Variants in SDK2 observed in about 807,000 individuals in gnomAD.
The protein encoded by SDK2 is sidekick cell adhesion molecule 2.
SDK2 carries 105 observed loss-of-function variants against 253.9 expected under a neutral mutation model. The observed-to-expected ratio is 0.41, with a 90% CI of 0.35 to 0.49. SDK2 has a LOEUF of 0.49. Ranked by LOEUF, SDK2 falls within the 20% of genes least tolerant of loss-of-function variation. The pLI, the probability that SDK2 is intolerant of heterozygous loss-of-function variation, is 0.06. For synonymous variants in SDK2, 1,249 were observed against 1,234.9 expected, an observed-to-expected ratio of 1.01 and a Z score of -0.24; for missense variants, 2,608 against 3,003.0, an observed-to-expected ratio of 0.87 and a Z score of 3.07.
intron 1 of SDK2, among the ~76,000 whole-genome samples, chr17:73,562,826 G>T (rs975694663): frequency 6.6e-6 from 1 of 152,256 alleles, no homozygotes; most frequent in Admixed American, 6.5e-5. Flanking sequence ...TTACTAAGAC[G>T]TGCTAACTCA....
At chr17:73,502,082 CAT>C (rs138367737) in intron 2 of SDK2, among the ~76,000 whole-genome samples, 1,319 of 14,364 alleles carry the variant, frequency 0.092, 25 homozygotes, top group African/African-American at 0.27. Context: ...GTGTAGTGCA[CAT>C]ACACACACAC....
intron 12 of SDK2, among the ~76,000 whole-genome samples, chr17:73,428,517 C>T (rs2063301879): frequency 6.6e-6 from 1 of 152,182 alleles, no homozygotes; most frequent in Non-Finnish European, 1.5e-5. Context: ...GAGATCCTTT[C>T]TATTAGGTTG....
intron 2 of SDK2, among the ~76,000 whole-genome samples, chr17:73,497,928 G>C (rs1044427018): frequency 2.0e-5 from 3 of 152,120 alleles, no homozygotes; most frequent in Non-Finnish European, 2.9e-5. Context: ...CCAGACACAA[G>C]GTCCTTGGAT....
At chr17:73,404,144 G>A (rs1470810228) in intron 18 of SDK2, among the ~76,000 whole-genome samples, 1 of 152,210 alleles carries the variant, frequency 6.6e-6, no homozygotes, top group Non-Finnish European at 1.5e-5. Context: ...TAATGGCAGT[G>A]TGGTTTGTGG....
chr17:73,543,383 T>A (rs1203405224), intron 1 of SDK2, among the ~76,000 whole-genome samples: 1 of 152,116 alleles, frequency 6.6e-6, no homozygotes, highest in Non-Finnish European at 1.5e-5. Flanking sequence ...GCCGCTCATA[T>A]CCCCTGGGAA....
chr17:73,595,201 TGAG>T (rs72207708), intron 1 of SDK2, among the ~76,000 whole-genome samples: 34,233 of 149,684 alleles, frequency 0.23, 4,123 homozygotes, highest in African/African-American at 0.31. Flanking sequence ...TGGGTGAAGG[TGAG>T]GAGGAGGAGG....
intron 3 of SDK2, among the ~76,000 whole-genome samples, chr17:73,464,312 G>A (rs2063583317): frequency 1.3e-5 from 2 of 152,148 alleles, no homozygotes; most frequent in African/African-American, 2.4e-5. Flanking sequence ...GGGTTCTCAC[G>A]AGATCTGATG....
intron 3 of SDK2, among the ~76,000 whole-genome samples, chr17:73,461,820 G>A (rs1466110681): frequency 6.6e-6 from 1 of 152,186 alleles, no homozygotes; most frequent in Non-Finnish European, 1.5e-5. Context: ...TGTTTGGATG[G>A]TGGGATGGAT....
chr17:73,581,849 C>T (rs539799582), intron 1 of SDK2, among the ~76,000 whole-genome samples: 1 of 152,308 alleles, frequency 6.6e-6, no homozygotes, highest in South Asian at 2.1e-4. Context: ...GGCAGACAGC[C>T]ATTGGCAGAG....
At chr17:73,420,193 T>C (rs12232515) in intron 15 of SDK2, among the ~76,000 whole-genome samples, 106,469 of 152,236 alleles carry the variant, frequency 0.7, 38,196 homozygotes, top group Non-Finnish European at 0.77. Flanking sequence ...TGCTGGGGGA[T>C]GCTGTGTTCT....
Position 73,352,134 on chromosome 17 carries a change from T to C in SDK2, c.5758+339A>G, listed in dbSNP as rs1349167150. On this transcript the variant is annotated intron_variant, in intron 41 of 44. Transcript: ENST00000392650. The surrounding 1 kb of genome is among the most constrained non-coding windows in gnomAD (Gnocchi z 4.1). ...GCCACGTTGGGGCTGGAGGTTTCCA[T>C]GGAAAGATAGTTTATGGCCTGGTGC... is the stretch of plus-strand genomic sequence containing the variant. Among the ~76,000 whole-genome samples the C allele has an allele frequency of 1.3e-5, 2 of 152,054 alleles. No homozygotes were observed. Among genetic ancestry groups the C allele is most frequent in the African/African-American group, 4.8e-5 (2 of 41,382 alleles).
At chr17:73,382,838 C>G (rs888344620) in intron 33 of SDK2, among the ~76,000 whole-genome samples, 1 of 140,900 alleles carries the variant, frequency 7.1e-6, no homozygotes, top group African/African-American at 2.6e-5. Flanking sequence ...CCCGTCTCTA[C>G]TAACAACAAC....
At chr17:73,490,119 C>T (rs888385749) in intron 2 of SDK2, among the ~76,000 whole-genome samples, 2 of 152,100 alleles carry the variant, frequency 1.3e-5, no homozygotes, top group East Asian at 3.9e-4. Flanking sequence ...TTCTCAGAGC[C>T]GCCCTGCTCT....
At chr17:73,442,187 C>T (rs922307614) in intron 5 of SDK2, among the ~76,000 whole-genome samples, 5 of 152,224 alleles carry the variant, frequency 3.3e-5, no homozygotes, top group African/African-American at 7.2e-5. Context: ...TGTGAGGACA[C>T]GGCTGGAAGG....
intron 44 of SDK2, among the ~76,000 whole-genome samples, chr17:73,339,952 C>T (rs1263752454): frequency 6.6e-6 from 1 of 152,106 alleles, no homozygotes; most frequent in Non-Finnish European, 1.5e-5. Flanking sequence ...CTCACTGCAA[C>T]CTCCACCTAC....
chr17:73,479,847 T>C (rs973332655), intron 2 of SDK2, among the ~76,000 whole-genome samples: 149 of 152,284 alleles, frequency 9.8e-4, no homozygotes, highest in African/African-American at 3.4e-3. Context: ...CCTGCCCCCA[T>C]GCCCGGCTAA....
In SDK2 at chr17:73,589,633, G is replaced by A. The variant is rs528731818; in HGVS notation, c.64+54392C>T. The stretch of plus-strand genomic sequence containing the variant: ...GGGGAAGCTCAGACAGGCACTCTGC[G>A]TCACTCTGTCCTATGTCAGCATCAG... On this transcript the variant is annotated intron_variant, in intron 1 of 44. Transcript: ENST00000392650. Among the ~76,000 whole-genome samples the A allele has an allele frequency of 1.6e-4, 25 of 152,224 alleles. 1 individual carries two copies. Among genetic ancestry groups the A allele is most frequent in the South Asian group, 4.1e-4 (2 of 4,836 alleles).
intron 12 of SDK2, among the ~76,000 whole-genome samples, chr17:73,429,356 G>A (rs570357244): frequency 3.1e-4 from 47 of 152,288 alleles, no homozygotes; most frequent in African/African-American, 1.0e-3. Flanking sequence ...ATACATCTAT[G>A]TACATTTTTG....
intron 36 of SDK2, among the ~76,000 whole-genome samples, chr17:73,372,026 C>A (rs2062738185): frequency 6.6e-6 from 1 of 151,982 alleles, no homozygotes; most frequent in Non-Finnish European, 1.5e-5. Context: ...TGCTTTTCTG[C>A]CCTGCCCGTG....
Sources: gnomAD v4.1 joint callset for allele counts (sites outside exome capture counted in the v4.1 genomes callset) on GRCh38, gnomAD v4.1.1 for gene constraint, Gnocchi (gnomAD v3.1) non-coding constraint, MANE v1.5 for transcripts, NCBI Gene and HGNC (gene_info 2026-07-23, HGNC 2026-07-21) for gene names.